Variants in CMSS1 observed in about 807,000 individuals in gnomAD.
The protein encoded by CMSS1 is protein CMSS1.
Under a neutral mutation model 43.5 loss-of-function variants are expected in CMSS1, and 33 were observed. The ratio of observed to expected loss-of-function variants is 0.76; its 90% CI spans 0.57 to 1.01. The LOEUF (loss-of-function observed/expected upper bound fraction) is 1.01. Ranked by LOEUF, CMSS1 falls within the 50% of genes least tolerant of loss-of-function variation. The pLI, the probability that CMSS1 is intolerant of heterozygous loss-of-function variation, is 0.00. For missense variants in CMSS1, 313 were observed against 326.4 expected (o/e 0.96, Z 0.32); for synonymous variants, 115 against 117.2 (o/e 0.98, Z 0.12).
chr3:99,869,247 A>G (rs1008160050), intron 1 of CMSS1, among the ~76,000 whole-genome samples: 22 of 152,134 alleles, frequency 1.4e-4, no homozygotes, highest in African/African-American at 5.3e-4. Flanking sequence ...GAGAATCTTA[A>G]CTTTGCCTGT....
intron 1 of CMSS1, among the ~76,000 whole-genome samples, chr3:99,983,460 GTGTGTATATATATATATATA>G (rs1416567491): frequency 9.4e-4 from 65 of 69,470 alleles, no homozygotes; most frequent in East Asian, 4.7e-3. Flanking sequence ...ATATATATAT[GTGTGTATATATATATATATA>G]TATATATATA....
intron 1 of CMSS1, among the ~76,000 whole-genome samples, chr3:99,860,646 G>T (rs1232023386): frequency 6.6e-6 from 1 of 152,144 alleles, no homozygotes; most frequent in Admixed American, 6.6e-5. Flanking sequence ...TTCTGGGCTA[G>T]AAAAGACACT....
chr3:100,035,797 T>C lies in CMSS1; in HGVS notation c.65-111176T>C, dbSNP rs189634692. Among the ~76,000 whole-genome samples the C allele has an allele frequency of 5.0e-3, 761 of 152,356 alleles. 5 individuals are homozygous for C. Among genetic ancestry groups the C allele is most frequent in the Admixed American group, 8.4e-3 (128 of 15,308 alleles). ...ATCCCCATGTGCTCATCACGAGCTA[T>C]AGCAGTCATCAACTCATGGCCAACT... On this transcript the variant is annotated intron_variant, in intron 1 of 9. Transcript: ENST00000421999.
At chr3:99,849,444 T>A in intron 1 of CMSS1, 1 of 1,614,166 alleles carries the variant, frequency 6.2e-7, no homozygotes. Context: ...TTTGCAGGAC[T>A]GAGTGATCTC....
At chr3:100,108,176 G>T (rs994276417) in intron 1 of CMSS1, among the ~76,000 whole-genome samples, 8 of 151,998 alleles carry the variant, frequency 5.3e-5, no homozygotes, top group African/African-American at 1.7e-4. Flanking sequence ...TTCTTAATTC[G>T]GTCCAGGGAA....
At chr3:100,134,650 A>G (rs977288565) in intron 1 of CMSS1, among the ~76,000 whole-genome samples, 4 of 152,218 alleles carry the variant, frequency 2.6e-5, no homozygotes, top group Admixed American at 2.6e-4. Flanking sequence ...CTTCCTAGCT[A>G]AAAGATAGGA....
intron 1 of CMSS1, among the ~76,000 whole-genome samples, chr3:99,961,726 T>C (rs1316872504): frequency 6.6e-6 from 1 of 152,202 alleles, no homozygotes; most frequent in African/African-American, 2.4e-5. Flanking sequence ...AAGAATATTC[T>C]TCTCCTTCCA....
At chr3:99,985,306 C>T (rs1283019731) in intron 1 of CMSS1, among the ~76,000 whole-genome samples, 1 of 152,034 alleles carries the variant, frequency 6.6e-6, no homozygotes, top group African/African-American at 2.4e-5. Flanking sequence ...CTGAGGTGGG[C>T]AGATTGCATG....
chr3:100,108,163 G>A (rs1291199742), intron 1 of CMSS1, among the ~76,000 whole-genome samples: 1 of 152,080 alleles, frequency 6.6e-6, no homozygotes, highest in African/African-American at 2.4e-5. Context: ...TCTAGCCCAT[G>A]GCTTCTTAAT....
chr3:99,900,015 T>C (rs2107625217), intron 1 of CMSS1, among the ~76,000 whole-genome samples: 1 of 152,350 alleles, frequency 6.6e-6, no homozygotes, highest in South Asian at 2.1e-4. Flanking sequence ...AACCAACTTG[T>C]CAGGACTTTA....
intron 1 of CMSS1, among the ~76,000 whole-genome samples, chr3:100,037,986 C>T (rs1344110482): frequency 1.4e-5 from 2 of 141,686 alleles, no homozygotes; most frequent in Non-Finnish European, 3.0e-5. Context: ...TCTCAAATCT[C>T]GCTCTGTCGC....
chr3:99,929,925 G>T (rs1707423234), intron 1 of CMSS1: 2 of 1,613,418 alleles, frequency 1.2e-6, no homozygotes, highest in Admixed American at 1.7e-5. Flanking sequence ...CATCTCTCTG[G>T]AGAGCCTCTA....
At chr3:100,178,205 C>G in intron 9 of CMSS1, 100 bp from the exon 10 acceptor site, 1 of 663,748 alleles carries the variant, frequency 1.5e-6, no homozygotes, top group Non-Finnish European at 2.7e-6. Flanking sequence ...CTGGCCATAA[C>G]AGCTGGGTAA....
At chr3:99,913,105 C>T (rs1264870573) in intron 1 of CMSS1, among the ~76,000 whole-genome samples, 3 of 152,200 alleles carry the variant, frequency 2.0e-5, no homozygotes, top group African/African-American at 7.2e-5. Flanking sequence ...CGGTTTACAA[C>T]CCAGAAGAGG....
chr3:100,038,927 C>T (rs866844521), intron 1 of CMSS1, among the ~76,000 whole-genome samples: 3 of 152,088 alleles, frequency 2.0e-5, no homozygotes, highest in South Asian at 2.1e-4. Flanking sequence ...AAAGAATGAA[C>T]GTACATGTTT....
chr3:100,143,337 C>T (rs892988158), intron 1 of CMSS1, among the ~76,000 whole-genome samples: 3 of 152,184 alleles, frequency 2.0e-5, no homozygotes, highest in Non-Finnish European at 4.4e-5. Context: ...AGCGGACATC[C>T]TTGCCTTGTT....
At chr3:99,933,636 T>C (rs147887870) in intron 1 of CMSS1, among the ~76,000 whole-genome samples, 2 of 152,314 alleles carry the variant, frequency 1.3e-5, no homozygotes, top group East Asian at 3.9e-4. Context: ...ATAGAAATAA[T>C]GGAAGGTTGT....
intron 1 of CMSS1, among the ~76,000 whole-genome samples, chr3:100,074,715 A>T (rs1423358740): frequency 6.0e-5 from 1 of 16,760 alleles, no homozygotes; most frequent in South Asian, 1.8e-3. Flanking sequence ...TTTTTTTGAG[A>T]CGAAGTCTCA....
rs117355058 is a variant in CMSS1, at chr3:100,031,702, G to A, written c.65-115271G>A. 6.8e-4 allele frequency among the ~76,000 whole-genome samples: 104 copies of A among 152,104 alleles called. 1 individual carries two copies. The East Asian group carries it at 0.018, about 27-fold the overall frequency. On this transcript the variant is annotated intron_variant, in intron 1 of 9. Coordinates refer to ENST00000421999, the MANE Select transcript of CMSS1 (RefSeq NM_032359.4). ...TTTCCTTCTAAGGCTGAGGATCTAC[G>A]ACAAGAAGGCAAAGACAGGGAGGGA...
Sources: gnomAD v4.1 joint callset for allele counts (sites outside exome capture counted in the v4.1 genomes callset) on GRCh38, gnomAD v4.1.1 for gene constraint, MANE v1.5 for transcripts, NCBI Gene and HGNC (gene_info 2026-07-23, HGNC 2026-07-21) for gene names.